SLCO3A1: variants seen among roughly 807,000 people sequenced by gnomAD.
The protein encoded by SLCO3A1 is solute carrier organic anion transporter family member 3A1.
SLCO3A1 carries 27 observed loss-of-function variants against 63.1 expected under a neutral mutation model. The ratio of observed to expected loss-of-function variants is 0.43; its 90% CI spans 0.32 to 0.59. The LOEUF (loss-of-function observed/expected upper bound fraction) is 0.59, where lower values mean the gene tolerates loss of function less well. Among genes scored for constraint, SLCO3A1 ranks in the 20% least tolerant of loss-of-function variants. The pLI is 0.09. For missense variants in SLCO3A1, 773 were observed against 945.8 expected (o/e 0.82, Z 2.40); for synonymous variants, 473 against 409.9 (o/e 1.15, Z -1.86).
intron 7 of SLCO3A1, among the ~76,000 whole-genome samples, chr15:92,137,472 C>T (rs1009206665): frequency 4.0e-5 from 4 of 99,648 alleles, no homozygotes; most frequent in African/African-American, 5.8e-5. Context: ...GATTTATAGT[C>T]CTTTGGGTAT....
At chr15:91,971,819 TA>T (rs778368721) in intron 2 of SLCO3A1, among the ~76,000 whole-genome samples, 33,625 of 139,284 alleles carry the variant, frequency 0.24, 4,240 homozygotes, top group East Asian at 0.35. Context: ...AGTGGCTCCG[TA>T]TTCAGCAGTG....
intron 7 of SLCO3A1, among the ~76,000 whole-genome samples, chr15:92,139,682 A>G (rs1002120134): frequency 1.3e-5 from 2 of 152,162 alleles, no homozygotes; most frequent in African/African-American, 2.4e-5. Context: ...CCGAGATTCA[A>G]CTTCTTCCTG....
At chr15:92,076,512 C>T (rs1395897714) in intron 2 of SLCO3A1, among the ~76,000 whole-genome samples, 1 of 152,216 alleles carries the variant, frequency 6.6e-6, no homozygotes, top group East Asian at 1.9e-4. Context: ...AGTCTCTACT[C>T]ATTTGCTCCT....
chr15:91,861,447 T>C (rs1471471224), intron 1 of SLCO3A1, among the ~76,000 whole-genome samples: 1 of 152,174 alleles, frequency 6.6e-6, no homozygotes, highest in Non-Finnish European at 1.5e-5. Context: ...AGCTCGATTG[T>C]TTAGTAGAAA....
chr15:91,957,117 A>T (rs796949319), intron 2 of SLCO3A1, among the ~76,000 whole-genome samples: 3 of 3,566 alleles, frequency 8.4e-4, no homozygotes, highest in African/African-American at 3.6e-3. Context: ...TATATATATA[A>T]TATATATAAT....
chr15:92,160,841 TG>T (rs1486467716), intron 9 of SLCO3A1, among the ~76,000 whole-genome samples: 1 of 152,162 alleles, frequency 6.6e-6, no homozygotes, highest in African/African-American at 2.4e-5. Flanking sequence ...TCTCCCCAAC[TG>T]CCTTTGGAGG....
At chr15:92,008,684 G>T (rs548261003) in intron 2 of SLCO3A1, among the ~76,000 whole-genome samples, 3 of 152,296 alleles carry the variant, frequency 2.0e-5, no homozygotes, top group South Asian at 4.1e-4. Flanking sequence ...ATACACACAT[G>T]CACAGAGATA....
intron 2 of SLCO3A1, among the ~76,000 whole-genome samples, chr15:91,931,778 T>C (rs1567192006): frequency 8.9e-6 from 1 of 111,870 alleles, no homozygotes; most frequent in Non-Finnish European, 1.9e-5. Flanking sequence ...GCTGGTGTCT[T>C]AAGTGTGGAA....
In SLCO3A1 at chr15:91,877,182, A is replaced by G. The variant is rs114700948; in HGVS notation, c.180+23094A>G. 6.9e-3 allele frequency among the ~76,000 whole-genome samples: 1,043 copies of G among 152,260 alleles called. 6 individuals are homozygous for G. Among genetic ancestry groups the G allele is most frequent in the African/African-American group, 0.023 (952 of 41,530 alleles). On this transcript the variant is annotated intron_variant, in intron 1 of 9. Coordinates refer to ENST00000318445, the MANE Select transcript of SLCO3A1 (RefSeq NM_013272.4). ...GAAAGAATCTTTTCCCTTATATTTTATGTTGTCTCCTAACCACTTAAGTAG... is the reference window on the plus strand; with the variant it reads ...GAAAGAATCTTTTCCCTTATATTTTGTGTTGTCTCCTAACCACTTAAGTAG...
At chr15:92,049,406 G>T (rs961622572) in intron 2 of SLCO3A1, among the ~76,000 whole-genome samples, 23 of 152,170 alleles carry the variant, frequency 1.5e-4, no homozygotes, top group African/African-American at 5.3e-4. Context: ...GTGACGGAAG[G>T]AAGTGACTGG....
chr15:91,999,188 C>T (rs1293309670), intron 2 of SLCO3A1, among the ~76,000 whole-genome samples: 4 of 152,170 alleles, frequency 2.6e-5, no homozygotes, highest in Admixed American at 6.5e-5. Context: ...CTATGCTCTC[C>T]ACCTGGGTGA....
intron 2 of SLCO3A1, among the ~76,000 whole-genome samples, chr15:91,963,258 G>T (rs988392884): frequency 6.6e-6 from 1 of 152,148 alleles, no homozygotes; most frequent in Non-Finnish European, 1.5e-5. Context: ...TTGTATATGG[G>T]CACTGGCTCT....
At chr15:92,026,507 C>T (rs2046575261) in intron 2 of SLCO3A1, among the ~76,000 whole-genome samples, 1 of 152,092 alleles carries the variant, frequency 6.6e-6, no homozygotes, top group South Asian at 2.1e-4. Flanking sequence ...GTGGGACAAA[C>T]AGGTTTACAA....
chr15:92,104,302 G>T lies in SLCO3A1; in HGVS notation c.769G>T (p.Asp257Tyr). 1 of 1,614,114 alleles carries T rather than the reference G, an allele frequency of 6.2e-7. No homozygotes were observed. The highest frequency in any genetic ancestry group is 8.5e-7 in the Non-Finnish European group (1 of 1,180,028). The change falls in exon 4 of 10, where the codon GAC (aspartate) becomes TAC (tyrosine). Residue 257 changes from aspartate to tyrosine, a missense_variant. Transcript: ENST00000318445. ...AGGTAACCTGGACATCACTCCGGACGACCCCCGCTGGATCGGAGCCTGGTG... is the reference window on the plus strand; with the variant it reads ...AGGTAACCTGGACATCACTCCGGACTACCCCCGCTGGATCGGAGCCTGGTG... The part of the protein sequence containing the change: ...DTSNLDITPD[D>Y]PRWIGAWWGG...
intron 2 of SLCO3A1, among the ~76,000 whole-genome samples, chr15:91,988,880 G>A (rs1027106808): frequency 2.0e-5 from 3 of 152,170 alleles, no homozygotes; most frequent in African/African-American, 7.2e-5. Flanking sequence ...GAGCGAGGTA[G>A]GATACAGTCC....
intron 2 of SLCO3A1, among the ~76,000 whole-genome samples, chr15:91,956,766 G>A (rs76021035): frequency 0.055 from 8,187 of 147,848 alleles, 255 homozygotes; most frequent in Non-Finnish European, 0.078. Context: ...GACTTGCTGT[G>A]GCCTTGCCTT....
At chr15:92,087,874 G>A (rs1406803762) in intron 2 of SLCO3A1, among the ~76,000 whole-genome samples, 7 of 152,088 alleles carry the variant, frequency 4.6e-5, no homozygotes, top group African/African-American at 1.7e-4. Flanking sequence ...ATTCTTCCTG[G>A]ACCAGAAAAT....
At chr15:92,005,915 G>A (rs186130350) in intron 2 of SLCO3A1, among the ~76,000 whole-genome samples, 16 of 152,226 alleles carry the variant, frequency 1.1e-4, no homozygotes, top group Admixed American at 2.6e-4. Context: ...GAGCGAAAGC[G>A]TTTCTGAGAC....
chr15:91,914,874 A>G (rs1898603817), intron 1 of SLCO3A1, among the ~76,000 whole-genome samples: 1 of 152,190 alleles, frequency 6.6e-6, no homozygotes, highest in Non-Finnish European at 1.5e-5. Flanking sequence ...TCCCGGCCCC[A>G]GCTATTTTCT....
Sources: gnomAD v4.1 joint callset for allele counts (sites outside exome capture counted in the v4.1 genomes callset) on GRCh38, gnomAD v4.1.1 for gene constraint, MANE v1.5 for transcripts, NCBI Gene and HGNC (gene_info 2026-07-23, HGNC 2026-07-21) for gene names.